Variants in OSBPL10 observed in about 807,000 individuals in gnomAD.
The protein encoded by OSBPL10 is oxysterol-binding protein-related protein 10.
OSBPL10 carries 49 observed loss-of-function variants against 81.7 expected under a neutral mutation model. The observed-to-expected ratio is 0.60, with a 90% CI of 0.48 to 0.76. OSBPL10 has a LOEUF of 0.76. OSBPL10 is among the 30% of genes least tolerant of loss of function. The pLI is 0.00. For missense variants in OSBPL10, 923 were observed against 987.8 expected, an observed-to-expected ratio of 0.93 and a Z score of 0.88; for synonymous variants, 419 against 383.6, an observed-to-expected ratio of 1.09 and a Z score of -1.08.
chr3:31,922,996 T>C (rs1696962564), intron 1 of OSBPL10, among the ~76,000 whole-genome samples: 1 of 152,108 alleles, frequency 6.6e-6, no homozygotes, highest in African/African-American at 2.4e-5. Flanking sequence ...AAAAAATCAC[T>C]TGGAGCTTTA....
In OSBPL10 at chr3:31,809,869, C is replaced by CTTTTTTTT. The variant is rs34795137; in HGVS notation, c.729+20163_729+20170dup. Among the ~76,000 whole-genome samples, 449 of 98,572 alleles carry CTTTTTTTT rather than the reference C, an allele frequency of 4.6e-3. 28 individuals carry two copies. Among genetic ancestry groups the CTTTTTTTT allele is most frequent in the African/African-American group, 0.021 (381 of 18,380 alleles). The allele number at this position is 98,572 out of a possible 152,430, so 64.7% of individuals were successfully genotyped here. On this transcript the variant is annotated intron_variant, in intron 4 of 11. Transcript: ENST00000396556. ...AAATGTCAATGGGTGCCCCCTGACT[C>CTTTTTTTT]TTTTTTTTTTTTTTTTTTTGAGATG...
At chr3:32,024,982 T>C (rs1402883233) in intron 2 of OSBPL10, among the ~76,000 whole-genome samples, 1 of 152,212 alleles carries the variant, frequency 6.6e-6, no homozygotes, top group African/African-American at 2.4e-5. Flanking sequence ...AACATGGATG[T>C]CTTTTTTATT....
intron 1 of OSBPL10, among the ~76,000 whole-genome samples, chr3:31,889,578 C>T (rs1384805657): frequency 6.6e-6 from 1 of 151,312 alleles, no homozygotes; most frequent in Non-Finnish European, 1.5e-5. Flanking sequence ...TATTCTCTCA[C>T]TCATGTATGG....
At chr3:32,050,399 T>C (rs1056775673) in intron 1 of OSBPL10, among the ~76,000 whole-genome samples, 2 of 152,204 alleles carry the variant, frequency 1.3e-5, no homozygotes, top group African/African-American at 4.8e-5. Context: ...ATCTTTGCCA[T>C]TTGTTGATTC....
Position 31,981,053 on chromosome 3 carries a change from G to T in OSBPL10, c.127C>A (p.Arg43=). 2.0e-6 allele frequency: 3 copies of T among 1,482,070 alleles called. No individual in the cohort carries two copies. Among genetic ancestry groups the T allele is most frequent in the Non-Finnish European group, 2.7e-6 (3 of 1,120,542 alleles). The allele number at this position is 1,482,070 out of a possible 1,614,324, so 91.8% of individuals were successfully genotyped here. ...CCGCCGAGCCCGGCCGCCGCCGACC[G>T]GCTGGAGACCCCCCGGCCCGCCAGA... ...CSLAGRGVSS[R]SAAAGLGGGG... is the part of the protein sequence containing the mutation. The change falls in exon 1 of 12, where the codon CGG becomes AGG. Residue 43 remains arginine (R), a synonymous_variant. Coordinates refer to ENST00000396556, the MANE Select transcript of OSBPL10 (RefSeq NM_017784.5). The surrounding 1 kb of genome is among the most constrained non-coding windows in gnomAD (Gnocchi z 4.5).
At chr3:31,948,233 A>T (rs1272999553) in intron 1 of OSBPL10, among the ~76,000 whole-genome samples, 1 of 152,198 alleles carries the variant, frequency 6.6e-6, no homozygotes, top group African/African-American at 2.4e-5. Context: ...TCCATTCTAG[A>T]AGTCCAGCAG....
intron 6 of OSBPL10, among the ~76,000 whole-genome samples, chr3:31,727,880 A>G (rs1256193618): frequency 6.6e-6 from 1 of 152,236 alleles, no homozygotes; most frequent in Admixed American, 6.5e-5. Context: ...TGTACTGGCC[A>G]GGCTTCAAGC....
chr3:31,829,991 GCCC>G, intron 4 of OSBPL10, 46 bp downstream of exon 4: 1 of 1,533,422 alleles, frequency 6.5e-7, no homozygotes. Flanking sequence ...GACTGTCACA[GCCC>G]CCAACTCCCC....
intron 1 of OSBPL10, among the ~76,000 whole-genome samples, chr3:31,917,746 T>C (rs898042654): frequency 6.7e-6 from 1 of 150,298 alleles, no homozygotes; most frequent in Non-Finnish European, 1.5e-5. Flanking sequence ...GCACTCTTTT[T>C]TCCTCTTGGC....
chr3:32,037,524 A>T (rs574547182), intron 2 of OSBPL10: 3 of 199,098 alleles, frequency 1.5e-5, no homozygotes, highest in African/African-American at 7.1e-5. Context: ...ACGAGAAAAG[A>T]TAGGTCATTT....
At chr3:31,672,442 G>C (rs114940812) in intron 8 of OSBPL10, among the ~76,000 whole-genome samples, 3,284 of 148,490 alleles carry the variant, frequency 0.022, 60 homozygotes, top group Non-Finnish European at 0.036. Context: ...GAGAAGGAAG[G>C]GGGGTGGGAG....
At chr3:31,684,503 G>A (rs924661806) in intron 7 of OSBPL10, among the ~76,000 whole-genome samples, 6 of 152,194 alleles carry the variant, frequency 3.9e-5, no homozygotes, top group South Asian at 4.1e-4. Context: ...AAGTGGGCTG[G>A]GGCAGGGGAA....
upstream of OSBPL10, among the ~76,000 whole-genome samples, chr3:31,982,477 A>G (rs62244397): frequency 0.083 from 12,689 of 152,118 alleles, 1,048 homozygotes; most frequent in East Asian, 0.47. Context: ...CTAAATGGAA[A>G]AGTCAGCTCT....
intron 5 of OSBPL10, among the ~76,000 whole-genome samples, chr3:31,742,832 C>G (rs7630593): frequency 4.6e-5 from 7 of 152,030 alleles, no homozygotes; most frequent in African/African-American, 1.7e-4. Context: ...AGAGCACAAC[C>G]TTTTCCAGTT....
At chr3:31,980,472 T>C (rs1009210414) in intron 1 of OSBPL10, among the ~76,000 whole-genome samples, 11 of 152,236 alleles carry the variant, frequency 7.2e-5, no homozygotes, top group Admixed American at 2.6e-4. Context: ...AGAGAATTAC[T>C]GTAATCGGAG....
At chr3:32,020,346 C>T (rs2125544787) in intron 2 of OSBPL10, among the ~76,000 whole-genome samples, 1 of 152,312 alleles carries the variant, frequency 6.6e-6, no homozygotes, top group African/African-American at 2.4e-5. Context: ...GATCTGCTTT[C>T]TCTTTCTCTA....
intron 4 of OSBPL10, among the ~76,000 whole-genome samples, chr3:31,775,368 G>C (rs1324535034): frequency 6.6e-6 from 1 of 152,068 alleles, no homozygotes; most frequent in African/African-American, 2.4e-5. Flanking sequence ...GGTTTCCAGG[G>C]GAAAGAGGAT....
In OSBPL10 at chr3:32,002,911, G is replaced by T. The variant is rs144441062; in HGVS notation, n.298+43580C>A. Among the ~76,000 whole-genome samples, 400 of 152,302 alleles carry T rather than the reference G, an allele frequency of 2.6e-3. 2 individuals carry two copies. Among genetic ancestry groups the T allele is most frequent in the African/African-American group, 9.0e-3 (372 of 41,556 alleles). ...TTTACTTTCTCTTGTCTCAATGGGG[G>T]TGACAGACAATCAGGTCATTACAAC... On this transcript the variant is annotated intron_variant and non_coding_transcript_variant, in intron 2 of 3. Transcript: ENST00000479173.
chr3:31,910,731 A>C (rs1017690723), intron 1 of OSBPL10, among the ~76,000 whole-genome samples: 7 of 152,192 alleles, frequency 4.6e-5, no homozygotes, highest in Non-Finnish European at 8.8e-5. Context: ...TGTATGACAA[A>C]TCAAAGGCTG....
Sources: allele counts gnomAD v4.1 joint callset (sites outside exome capture counted in the v4.1 genomes callset), GRCh38; gene constraint gnomAD v4.1.1; non-coding constraint Gnocchi (gnomAD v3.1); transcripts MANE v1.5; gene names NCBI Gene and HGNC (gene_info 2026-07-23, HGNC 2026-07-21).